The following ZFAND3 variants were observed in gnomAD, a reference collection of about 807,000 sequenced individuals.
The protein encoded by ZFAND3 is AN1-type zinc finger protein 3.
In ZFAND3, 10 loss-of-function variants were observed where a neutral mutation model predicts 29.6. The observed-to-expected ratio is 0.34, with a 90% CI of 0.21 to 0.57. The LOEUF (loss-of-function observed/expected upper bound fraction) is 0.57, where lower values mean the gene tolerates loss of function less well. ZFAND3 is among the 20% of genes least tolerant of loss of function. The pLI is 0.86. For missense variants in ZFAND3, 230 were observed against 304.5 expected (o/e 0.76, Z 1.82); for synonymous variants, 128 against 112.6 (o/e 1.14, Z -0.87).
chr6:37,936,973 A>T (rs1761709559), intron 2 of ZFAND3, among the ~76,000 whole-genome samples: 1 of 152,062 alleles, frequency 6.6e-6, no homozygotes, highest in Non-Finnish European at 1.5e-5. Flanking sequence ...GTTTCATGAT[A>T]GTTCCAGAAG....
At chr6:37,952,423 A>G (rs1030032058) in intron 2 of ZFAND3, among the ~76,000 whole-genome samples, 1 of 152,098 alleles carries the variant, frequency 6.6e-6, no homozygotes, top group Non-Finnish European at 1.5e-5. Context: ...TTCCTGGTTC[A>G]ATCTTGGGAG....
chr6:37,969,739 T>C (rs958680708), intron 2 of ZFAND3, among the ~76,000 whole-genome samples: 4 of 152,180 alleles, frequency 2.6e-5, no homozygotes, highest in Admixed American at 6.5e-5. Context: ...CTTGCTTCAG[T>C]AGTTATTGAA....
At chr6:37,820,129 C>T (rs1489518613) in intron 1 of ZFAND3, 113 bp downstream of exon 1, 4 of 726,934 alleles carry the variant, frequency 5.5e-6, no homozygotes, top group Non-Finnish European at 7.1e-6. Flanking sequence ...CTGGGCCCAG[C>T]CCGGGCCTAC....
chr6:37,993,959 C>T (rs1045407338), intron 2 of ZFAND3, among the ~76,000 whole-genome samples: 1 of 151,994 alleles, frequency 6.6e-6, no homozygotes, highest in Non-Finnish European at 1.5e-5. Flanking sequence ...GTGAATGTTA[C>T]CAGTAAAGAT....
chr6:37,909,265 T>C (rs1207385088), intron 1 of ZFAND3, among the ~76,000 whole-genome samples: 1 of 143,248 alleles, frequency 7.0e-6, no homozygotes, highest in Non-Finnish European at 1.5e-5. Flanking sequence ...CGAGATTTTT[T>C]TTCTTTTTTT....
At chr6:37,919,485 G>A (rs1320044804) in intron 1 of ZFAND3, among the ~76,000 whole-genome samples, 1 of 151,962 alleles carries the variant, frequency 6.6e-6, no homozygotes, top group African/African-American at 2.4e-5. Flanking sequence ...AAAAGTTATT[G>A]ACCATGGTTT....
At chr6:37,905,421 T>G (rs1765390551) in intron 1 of ZFAND3, among the ~76,000 whole-genome samples, 1 of 152,134 alleles carries the variant, frequency 6.6e-6, no homozygotes, top group South Asian at 2.1e-4. Context: ...CTTTGAAATT[T>G]GGTGACAATC....
chr6:38,071,357 G>A (rs76590458), intron 3 of ZFAND3, among the ~76,000 whole-genome samples: 2,067 of 151,700 alleles, frequency 0.014, 36 homozygotes, highest in African/African-American at 0.046. Flanking sequence ...TTTTTCTATC[G>A]TTAGCTCTTG....
intron 4 of ZFAND3, among the ~76,000 whole-genome samples, chr6:38,103,478 TAC>T (rs201882945): frequency 0.02 from 521 of 25,910 alleles, 4 homozygotes; most frequent in South Asian, 0.058. Context: ...TGTATATATA[TAC>T]ACACATATAT....
chr6:38,129,951 G>A (rs1311941601), intron 5 of ZFAND3, among the ~76,000 whole-genome samples: 1 of 152,128 alleles, frequency 6.6e-6, no homozygotes, highest in Non-Finnish European at 1.5e-5. Context: ...CCATCCATGA[G>A]CATGGGATGT....
chr6:38,073,086 T>A (rs185448370), intron 3 of ZFAND3, among the ~76,000 whole-genome samples: 14 of 152,270 alleles, frequency 9.2e-5, no homozygotes, highest in Non-Finnish European at 1.5e-5. Flanking sequence ...CCAGCTGTGG[T>A]ACAGCTAGCT....
intron 1 of ZFAND3, among the ~76,000 whole-genome samples, chr6:37,865,478 G>A (rs149381284): frequency 2.6e-4 from 40 of 152,242 alleles, no homozygotes; most frequent in African/African-American, 8.2e-4. Flanking sequence ...AGATACACAC[G>A]CACACACTTG....
intron 3 of ZFAND3, among the ~76,000 whole-genome samples, chr6:38,074,626 C>T (rs1382417772): frequency 1.3e-5 from 2 of 152,194 alleles, no homozygotes; most frequent in Non-Finnish European, 2.9e-5. Context: ...GATGTAGAAG[C>T]TGTAGCAAGT....
intron 2 of ZFAND3, among the ~76,000 whole-genome samples, chr6:37,948,878 C>T (rs527281833): frequency 6.6e-6 from 1 of 152,248 alleles, no homozygotes; most frequent in South Asian, 2.1e-4. Context: ...TAGGTTGATT[C>T]CATGTCTTTG....
Position 37,821,535 on chromosome 6 carries a change from C to T in ZFAND3, c.71+1519C>T, listed in dbSNP as rs138449996. Among the ~76,000 whole-genome samples, 3 of 152,340 alleles carry T rather than the reference C, an allele frequency of 2.0e-5. No homozygotes were observed. In the East Asian group the frequency reaches 5.8e-4, roughly 29 times the overall value. The stretch of plus-strand genomic sequence containing the variant: ...GCTTTGGGTGGATAATTTGCCGCTT[C>T]ACACAGGGAGTGTAGGGTGGAGCTG... On this transcript the variant is annotated intron_variant, in intron 1 of 5. Coordinates refer to ENST00000287218, the MANE Select transcript of ZFAND3 (RefSeq NM_021943.3).
chr6:37,934,040 A>C (rs1200140124), intron 2 of ZFAND3, among the ~76,000 whole-genome samples: 1 of 150,920 alleles, frequency 6.6e-6, no homozygotes, highest in Non-Finnish European at 1.5e-5. Flanking sequence ...GGCGTGCGCC[A>C]CCACGCCTGG....
At chr6:37,891,376 G>A (rs1459498399) in intron 1 of ZFAND3, among the ~76,000 whole-genome samples, 2 of 146,154 alleles carry the variant, frequency 1.4e-5, no homozygotes, top group African/African-American at 2.6e-5. Context: ...AAGCAAAACT[G>A]ACAGAAATGG....
intron 2 of ZFAND3, among the ~76,000 whole-genome samples, chr6:38,038,540 T>G (rs1382943367): frequency 6.6e-6 from 1 of 152,176 alleles, no homozygotes; most frequent in East Asian, 1.9e-4. Context: ...AATGGCAGGG[T>G]TCACCTTAGG....
chr6:37,929,877 C>T (rs1201594715), intron 1 of ZFAND3, 82 bp from the exon 2 acceptor site: 30 of 1,363,750 alleles, frequency 2.2e-5, no homozygotes, highest in Admixed American at 2.0e-4. Context: ...TCTTTGCCTA[C>T]GTTTCTGACA....
Sources: allele counts gnomAD v4.1 joint callset (sites outside exome capture counted in the v4.1 genomes callset), GRCh38; gene constraint gnomAD v4.1.1; transcripts MANE v1.5; gene names NCBI Gene and HGNC (gene_info 2026-07-23, HGNC 2026-07-21).